UGT8: variants seen among roughly 807,000 people sequenced by gnomAD.
UGT8 encodes the protein UDP glycosyltransferase 8, also known as 2-hydroxyacylsphingosine 1-beta-galactosyltransferase.
UGT8 carries 12 observed loss-of-function variants against 40.5 expected under a neutral mutation model. The ratio of observed to expected loss-of-function variants is 0.30; its 90% CI spans 0.19 to 0.48. The LOEUF is 0.48. Among genes scored for constraint, UGT8 ranks in the 20% least tolerant of loss-of-function variants. The probability of loss-of-function intolerance (pLI) is 0.99; values close to 1 mark genes in which losing one functional copy is unlikely to be tolerated. For missense variants in UGT8, 513 were observed against 648.7 expected (o/e 0.79, Z 2.27); for synonymous variants, 224 against 240.4 (o/e 0.93, Z 0.63).
At position 114,665,375 on chromosome 4, in the gene UGT8, ATTTG is replaced by A. The variant is rs112854233; in HGVS notation, c.966-298_966-295del. 8.1e-6 allele frequency: 8 copies of A among 984,948 alleles called. No individual in the cohort carries two copies. In the African/African-American group the frequency reaches 1.0e-4, roughly 13 times the overall value. The allele number at this position is 984,948 out of a possible 1,614,324, so 61.0% of individuals were successfully genotyped here. ...GGGGAATAACTTCTAGTGTAGGTTT[ATTTG>A]TTTGTTGTTTGTTTGTTTGTTTGTT... On this transcript the variant is annotated intron_variant, in intron 3 of 5. Coordinates refer to ENST00000310836, the MANE Select transcript of UGT8 (RefSeq NM_001128174.3).
chr4:114,647,674 C>A (rs1303024343), intron 2 of UGT8, among the ~76,000 whole-genome samples: 2 of 152,054 alleles, frequency 1.3e-5, no homozygotes, highest in African/African-American at 4.8e-5. Context: ...CTCTTTCAAG[C>A]CTCATAATAT....
chr4:114,665,853 TAC>T, intron 4 of UGT8, 97 bp downstream of exon 4: 1 of 931,990 alleles, frequency 1.1e-6, no homozygotes, highest in Non-Finnish European at 1.6e-6. Context: ...TCATACGGTA[TAC>T]GGTATGTATG....
intron 1 of UGT8, among the ~76,000 whole-genome samples, chr4:114,612,062 A>G (rs764045449): frequency 6.6e-5 from 10 of 152,214 alleles, no homozygotes; most frequent in Non-Finnish European, 1.5e-4. Context: ...AATTCTGATC[A>G]TCTTAAGGAC....
chr4:114,615,696 G>A (rs934857769), intron 1 of UGT8, among the ~76,000 whole-genome samples: 1 of 152,192 alleles, frequency 6.6e-6, no homozygotes, highest in African/African-American at 2.4e-5. Flanking sequence ...CAGCTGGCAG[G>A]AAGGTGAAAA....
intron 3 of UGT8, among the ~76,000 whole-genome samples, chr4:114,664,919 G>T (rs1436329856): frequency 6.6e-6 from 1 of 152,182 alleles, no homozygotes; most frequent in African/African-American, 2.4e-5. Context: ...TATAGCAAAT[G>T]AGTAAGGATT....
chr4:114,599,309 A>T (rs1730290281), intron 1 of UGT8, among the ~76,000 whole-genome samples: 1 of 152,212 alleles, frequency 6.6e-6, no homozygotes, highest in Middle Eastern at 3.4e-3. Context: ...GAGGGAGGGT[A>T]TAACGGGGAG....
At chr4:114,628,267 GT>G (rs1732362514) in intron 2 of UGT8, among the ~76,000 whole-genome samples, 1 of 152,012 alleles carries the variant, frequency 6.6e-6, no homozygotes, top group South Asian at 2.1e-4. Flanking sequence ...ACCCTCCCAA[GT>G]AGCTGGGATT....
intron 2 of UGT8, among the ~76,000 whole-genome samples, chr4:114,634,497 G>T (rs1578428344): frequency 6.6e-6 from 1 of 152,168 alleles, no homozygotes; most frequent in African/African-American, 2.4e-5. Flanking sequence ...AAAGGATAAA[G>T]GATAACTAGA....
In UGT8 at chr4:114,650,390, C is replaced by T. The variant is rs75492495; in HGVS notation, c.823-13605C>T. On this transcript the variant is annotated intron_variant, in intron 2 of 5. Coordinates refer to ENST00000310836, the MANE Select transcript of UGT8 (RefSeq NM_001128174.3). ...TTGGAAAATCAGAACTTGGTGATGA[C>T]TTGAGCAGTAGGATATAAATAACTC... Among the ~76,000 whole-genome samples, 1,098 of 152,258 alleles carry T rather than the reference C, an allele frequency of 7.2e-3. 16 individuals are homozygous for T. Among genetic ancestry groups the T allele is most frequent in the African/African-American group, 0.024 (1,017 of 41,548 alleles).
At chr4:114,663,762 T>C in intron 2 of UGT8, 1 of 985,186 alleles carries the variant, frequency 1.0e-6, no homozygotes, top group Non-Finnish European at 1.2e-6. Context: ...TTTTAAGTTG[T>C]TTTTGTTACT....
chr4:114,637,917 A>G (rs1439963659), intron 2 of UGT8, among the ~76,000 whole-genome samples: 2 of 152,218 alleles, frequency 1.3e-5, no homozygotes, highest in African/African-American at 2.4e-5. Flanking sequence ...TGCAAAATAA[A>G]GAGTTTGGGC....
chr4:114,652,248 T>G (rs1733933099), intron 2 of UGT8, among the ~76,000 whole-genome samples: 1 of 151,784 alleles, frequency 6.6e-6, no homozygotes, highest in Non-Finnish European at 1.5e-5. Flanking sequence ...TCAGAGAGAG[T>G]AAAGTCACCA....
chr4:114,606,327 A>C (rs186172847), intron 1 of UGT8, among the ~76,000 whole-genome samples: 12 of 152,298 alleles, frequency 7.9e-5, no homozygotes, highest in Admixed American at 5.9e-4. Flanking sequence ...CTGCTTTGAG[A>C]GAGCTGTTCT....
intron 2 of UGT8, among the ~76,000 whole-genome samples, chr4:114,634,122 G>A (rs1732745280): frequency 6.6e-6 from 1 of 152,170 alleles, no homozygotes; most frequent in Non-Finnish European, 1.5e-5. Flanking sequence ...TGAATGGGGT[G>A]AAGTTGAGTG....
chr4:114,646,391 A>C (rs180728358), intron 2 of UGT8, among the ~76,000 whole-genome samples: 18 of 152,012 alleles, frequency 1.2e-4, no homozygotes, highest in Middle Eastern at 6.8e-3. Context: ...ATATCTATAT[A>C]TATATGCATA....
At chr4:114,631,249 A>G (rs767837719) in intron 2 of UGT8, among the ~76,000 whole-genome samples, 1 of 152,190 alleles carries the variant, frequency 6.6e-6, no homozygotes, top group Non-Finnish European at 1.5e-5. Flanking sequence ...TGGGAGGCTG[A>G]GGCAGGTGGA....
At chr4:114,620,127 A>T (rs1460140466) in intron 1 of UGT8, among the ~76,000 whole-genome samples, 1 of 152,182 alleles carries the variant, frequency 6.6e-6, no homozygotes, top group African/African-American at 2.4e-5. Context: ...ACAAAAGCAC[A>T]GTGAAAGCAT....
At chr4:114,636,289 T>G (rs568172766) in intron 2 of UGT8, among the ~76,000 whole-genome samples, 2 of 152,352 alleles carry the variant, frequency 1.3e-5, no homozygotes, top group East Asian at 3.9e-4. Flanking sequence ...TATCCAGTAT[T>G]TGAGTACTTT....
intron 1 of UGT8, among the ~76,000 whole-genome samples, chr4:114,605,413 C>T (rs756647851): frequency 2.6e-5 from 4 of 151,972 alleles, no homozygotes; most frequent in Non-Finnish European, 4.4e-5. Flanking sequence ...ATATAAATAA[C>T]AGAAATGCAT....
Sources: allele counts gnomAD v4.1 joint callset (sites outside exome capture counted in the v4.1 genomes callset), GRCh38; gene constraint gnomAD v4.1.1; transcripts MANE v1.5; gene names NCBI Gene and HGNC (gene_info 2026-07-23, HGNC 2026-07-21).